SMU1: variants seen among roughly 807,000 people sequenced by gnomAD.
The protein encoded by SMU1 is SMU1 DNA replication regulator and spliceosomal factor, also known as WD40 repeat-containing protein SMU1.
Under a neutral mutation model 62.0 loss-of-function variants are expected in SMU1, and 2 were observed. The ratio of observed to expected loss-of-function variants is 0.03; its 90% CI spans 0.01 to 0.10. The LOEUF is 0.10. SMU1 is among the 10% of genes least tolerant of loss of function. SMU1 has a pLI of 1.00. For synonymous variants in SMU1, 188 were observed against 212.4 expected, an observed-to-expected ratio of 0.89 and a Z score of 1.00; for missense variants, 227 against 622.1, an observed-to-expected ratio of 0.36 and a Z score of 6.76.
At chr9:33,049,228 A>C (rs1839216815) in intron 10 of SMU1, among the ~76,000 whole-genome samples, 1 of 152,222 alleles carries the variant, frequency 6.6e-6, no homozygotes, top group Non-Finnish European at 1.5e-5. Context: ...ATTTACTACT[A>C]ATCTACAGTA....
At chr9:33,064,772 T>G (rs1303690991) in intron 4 of SMU1, among the ~76,000 whole-genome samples, 2 of 151,506 alleles carry the variant, frequency 1.3e-5, no homozygotes, top group East Asian at 3.9e-4. Flanking sequence ...AGACAGAGTC[T>G]CACTCTGTCA....
intron 10 of SMU1, among the ~76,000 whole-genome samples, chr9:33,049,764 C>CCACACACACACACACA (rs61036431): frequency 0.13 from 19,503 of 148,266 alleles, 1,478 homozygotes; most frequent in Middle Eastern, 0.2. Context: ...GACCCCATTT[C>CCACACACACACACACA]CACACACACA....
chr9:33,074,529 G>A (rs1376838846), intron 1 of SMU1, among the ~76,000 whole-genome samples: 1 of 152,076 alleles, frequency 6.6e-6, no homozygotes, highest in Non-Finnish European at 1.5e-5. Flanking sequence ...AGGATTGCTT[G>A]TATCCATAAG....
In SMU1 at chr9:33,047,212, CAAAA is replaced by C; in HGVS notation, c.*77_*80del. 13 of 644,682 alleles carry C rather than the reference CAAAA, an allele frequency of 2.0e-5. No individual in the cohort carries two copies. Among genetic ancestry groups the C allele is most frequent in the Admixed American group, 3.9e-5 (1 of 25,950 alleles). 39.9% of individuals were successfully genotyped at this position (644,682 alleles called of 1,614,324 possible). ...CAATCTATTTGCTTAGAAAAGCTGG[CAAAA>C]AAAAAAAAAAGCACATTACATGAAT... is the stretch of plus-strand genomic sequence containing the variant. On this transcript the variant is annotated 3_prime_UTR_variant, in exon 12 of 12. Coordinates refer to ENST00000397149, the MANE Select transcript of SMU1 (RefSeq NM_018225.3).
At chr9:33,070,378 A>G (rs1839472487) in intron 3 of SMU1, among the ~76,000 whole-genome samples, 1 of 152,238 alleles carries the variant, frequency 6.6e-6, no homozygotes, top group Non-Finnish European at 1.5e-5. Context: ...AAAGACAGGA[A>G]ATAACAAATG....
Position 33,047,283 on chromosome 9 carries a change from A to G in SMU1, c.*10T>C. Reference sequence around the variant, plus strand: ...CATGCTTTCGAGCTGATTTAAAAAGAAAAGTTGAATTATGGTTTCCAGAGC... The same window carrying G: ...CATGCTTTCGAGCTGATTTAAAAAGGAAAGTTGAATTATGGTTTCCAGAGC... On this transcript the variant is annotated 3_prime_UTR_variant, in exon 12 of 12. Coordinates refer to ENST00000397149, the MANE Select transcript of SMU1 (RefSeq NM_018225.3). 3.2e-6 allele frequency: 5 copies of G among 1,585,404 alleles called. No individual in the cohort carries two copies. The highest frequency in any genetic ancestry group is 4.3e-6 in the Non-Finnish European group (5 of 1,156,408).
Position 33,057,689 on chromosome 9 carries a change from T to G in SMU1, c.776A>C (p.Asn259Thr). Reference sequence around the variant, plus strand: ...GACAGCATCATCCATCATCATAAAGTTATCTTGGGCCTGGTACTTAAGATC... The same window carrying G: ...GACAGCATCATCCATCATCATAAAGGTATCTTGGGCCTGGTACTTAAGATC... ...RKDLKYQAQD[N>T]FMMMDDAVLC... is the part of the protein sequence containing the mutation. The change falls in exon 7 of 12, where the codon AAC (asparagine) becomes ACC (threonine). Residue 259 changes from asparagine (N) to threonine (T), a missense_variant. Asn to Thr is a moderately conservative substitution (Grantham distance 65, BLOSUM62 0). Around this residue, in one of 5 missense-constraint regions of SMU1, gnomAD observed 98 missense variants for 195.9 expected, o/e 0.50. Coordinates refer to ENST00000397149, the MANE Select transcript of SMU1 (RefSeq NM_018225.3). 2.5e-6 allele frequency: 4 copies of G among 1,613,954 alleles called. No homozygotes were observed. Among genetic ancestry groups the G allele is most frequent in the Non-Finnish European group, 3.4e-6 (4 of 1,179,986 alleles).
chr9:33,047,474 G>C (rs1384764712), intron 11 of SMU1, 83 bp from the exon 12 acceptor site: 2 of 1,105,270 alleles, frequency 1.8e-6, no homozygotes, highest in East Asian at 5.2e-5. Context: ...GGGTGGAAGG[G>C]AAAAAGAGAT....
chr9:33,057,056 T>C (rs986855554), intron 7 of SMU1, 92 bp from the exon 8 acceptor site: 1 of 1,370,028 alleles, frequency 7.3e-7, no homozygotes, highest in Non-Finnish European at 1.0e-6. Flanking sequence ...CAATGCTCAC[T>C]AATGTACTGA....
At chr9:33,051,217 A>T (rs1349403322) in intron 10 of SMU1, among the ~76,000 whole-genome samples, 1 of 152,216 alleles carries the variant, frequency 6.6e-6, no homozygotes, top group Non-Finnish European at 1.5e-5. Flanking sequence ...TCAAAATGAA[A>T]AAGTTACGTA....
In SMU1 at chr9:33,043,759, T is replaced by G. The variant is rs973228720; in HGVS notation, c.*3534A>C. On this transcript the variant is annotated 3_prime_UTR_variant, in exon 12 of 12. Transcript: ENST00000397149. ...CTAGCTTCGGAGTCACATCTGGTTT[T>G]CAATGCGAGCTTCGTGCAAGTTGGA... 1 of 152,232 alleles carries G rather than the reference T, an allele frequency of 6.6e-6. No individual in the cohort carries two copies. The highest frequency in any genetic ancestry group is 2.4e-5 in the African/African-American group (1 of 41,434). 9.4% of individuals were successfully genotyped at this position (152,232 alleles called of 1,614,324 possible). A position where few individuals can be genotyped will look rare whatever the true frequency, so the allele number is the denominator to read the frequency against.
chr9:33,059,555 A>G (rs1313466958), intron 6 of SMU1, among the ~76,000 whole-genome samples: 2 of 146,884 alleles, frequency 1.4e-5, no homozygotes, highest in African/African-American at 5.0e-5. Context: ...GTGCCCCTGC[A>G]CTCCAGCCTG....
At chr9:33,072,154 T>C (rs1839493746) in intron 2 of SMU1, among the ~76,000 whole-genome samples, 1 of 151,906 alleles carries the variant, frequency 6.6e-6, no homozygotes, top group African/African-American at 2.4e-5. Context: ...GCCAACGTGG[T>C]GAAACAGACT....
chr9:33,073,492 T>A, intron 2 of SMU1, 104 bp downstream of exon 2: 2 of 718,202 alleles, frequency 2.8e-6, no homozygotes, highest in Admixed American at 4.8e-5. Flanking sequence ...TATGGGCTGA[T>A]GCAGCCCTAC....
intron 8 of SMU1, among the ~76,000 whole-genome samples, 195 bp from the exon 9 acceptor site, chr9:33,056,434 T>C (rs945275068): frequency 6.6e-6 from 1 of 152,174 alleles, no homozygotes; most frequent in Non-Finnish European, 1.5e-5. Flanking sequence ...AGAAAGAGGC[T>C]GGAAGAAAAT....
At chr9:33,065,897 C>A (rs1421740186) in intron 4 of SMU1, among the ~76,000 whole-genome samples, 1 of 152,166 alleles carries the variant, frequency 6.6e-6, no homozygotes, top group Non-Finnish European at 1.5e-5. Context: ...AAACTGGGGG[C>A]TTCAGTGTAC....
chr9:33,048,089 T>C lies in SMU1; in HGVS notation c.1443+17A>G. 1 of 1,608,940 alleles carries C rather than the reference T, an allele frequency of 6.2e-7. No homozygotes were observed. The highest frequency in any genetic ancestry group is 2.2e-5 in the East Asian group (1 of 44,810). The stretch of plus-strand genomic sequence containing the variant: ...CCTACCATATTTCTTTAGATGAACT[T>C]AGTAAGTAATACTCACTGTCAAAGT... On this transcript the variant is annotated intron_variant, in intron 11 of 11. Coordinates refer to ENST00000397149, the MANE Select transcript of SMU1 (RefSeq NM_018225.3).
At chr9:33,065,119 A>T (rs1839405757) in intron 4 of SMU1, among the ~76,000 whole-genome samples, 1 of 152,188 alleles carries the variant, frequency 6.6e-6, no homozygotes, top group Non-Finnish European at 1.5e-5. Context: ...ATAATTTCCA[A>T]ATCTATAATT....
chr9:33,057,887 C>T lies in SMU1; in HGVS notation c.751-173G>A, dbSNP rs1001331778. On this transcript the variant is annotated intron_variant, in intron 6 of 11. Transcript: ENST00000397149. Reference sequence around the variant, plus strand: ...AGTAACTAGTTCCCAGTGATATTGCCGGGGATAAATAATTTTATACAATTC... The same window carrying T: ...AGTAACTAGTTCCCAGTGATATTGCTGGGGATAAATAATTTTATACAATTC... Among the ~76,000 whole-genome samples, 3 of 152,116 alleles carry T rather than the reference C, an allele frequency of 2.0e-5. No homozygotes were observed. The South Asian group carries it at 6.2e-4, about 32-fold the overall frequency.
Sources: gnomAD v4.1 joint callset for allele counts (sites outside exome capture counted in the v4.1 genomes callset) on GRCh38, gnomAD v4.1.1 for gene constraint, gnomAD v4.1.1 regional missense constraint, MANE v1.5 for transcripts, NCBI Gene and HGNC (gene_info 2026-07-23, HGNC 2026-07-21) for gene names.